IGSF11: variants seen among roughly 807,000 people sequenced by gnomAD.
The protein encoded by IGSF11 is CXADR like 1.
A neutral mutation model predicts 41.0 loss-of-function variants in IGSF11; 22 were observed. The observed-to-expected ratio is 0.54, with a 90% CI of 0.38 to 0.77. The LOEUF (loss-of-function observed/expected upper bound fraction) is 0.77. Among genes scored for constraint, IGSF11 ranks in the 30% least tolerant of loss-of-function variants. The probability of loss-of-function intolerance (pLI) is 0.00; values close to 1 mark genes in which losing one functional copy is unlikely to be tolerated. For synonymous variants in IGSF11, 219 were observed against 201.3 expected, an observed-to-expected ratio of 1.09 and a Z score of -0.74; for missense variants, 444 against 530.8, an observed-to-expected ratio of 0.84 and a Z score of 1.61.
chr3:118,969,412 T>C (rs1201027889), intron 1 of IGSF11, among the ~76,000 whole-genome samples: 1 of 152,078 alleles, frequency 6.6e-6, no homozygotes, highest in African/African-American at 2.4e-5. Flanking sequence ...CAGTAGACAC[T>C]AGGCTATGAG....
intron 1 of IGSF11, among the ~76,000 whole-genome samples, chr3:119,067,193 G>T (rs550272908): frequency 6.6e-6 from 1 of 152,148 alleles, no homozygotes; most frequent in South Asian, 2.1e-4. Flanking sequence ...CTTCTGTCCT[G>T]TACTAGCGTA....
intron 1 of IGSF11, among the ~76,000 whole-genome samples, chr3:119,015,206 T>A (rs1454638065): frequency 6.6e-6 from 1 of 152,228 alleles, no homozygotes; most frequent in African/African-American, 2.4e-5. Flanking sequence ...CCTAAATACC[T>A]TCCCTCTGTA....
At chr3:118,955,609 C>T (rs1212420990) in intron 1 of IGSF11, among the ~76,000 whole-genome samples, 3 of 152,160 alleles carry the variant, frequency 2.0e-5, no homozygotes, top group South Asian at 2.1e-4. Context: ...ATTAATATTT[C>T]GAAAAGAATC....
At chr3:119,131,614 C>T (rs547004197) in intron 1 of IGSF11, among the ~76,000 whole-genome samples, 152 of 152,260 alleles carry the variant, frequency 1.0e-3, no homozygotes, top group African/African-American at 3.6e-3. Context: ...GGAACCAAGT[C>T]AGAAAACACT....
intron 4 of IGSF11, among the ~76,000 whole-genome samples, chr3:118,912,817 A>G (rs1940503320): frequency 6.6e-6 from 1 of 152,166 alleles, no homozygotes; most frequent in Non-Finnish European, 1.5e-5. Flanking sequence ...ATAAAAGAGG[A>G]TGATGCCATG....
At position 118,902,032 on chromosome 3, in the gene IGSF11, TA is replaced by T. The variant is rs1359117131; in HGVS notation, c.*487del. 2 of 154,256 alleles carry T rather than the reference TA, an allele frequency of 1.3e-5. No homozygotes were observed. Among genetic ancestry groups the T allele is most frequent in the Non-Finnish European group, 2.9e-5 (2 of 69,420 alleles). The allele number at this position is 154,256 out of a possible 1,614,324, so 9.6% of individuals were successfully genotyped here. A position where few individuals can be genotyped will look rare whatever the true frequency, so the allele number is the denominator to read the frequency against. The stretch of plus-strand genomic sequence containing the variant: ...GAAGAGTCAGCCCTGTTGGGACCAA[TA>T]TTAACCATTTATACCATTAAGCCCT... On this transcript the variant is annotated 3_prime_UTR_variant, in exon 7 of 7. Coordinates refer to ENST00000393775, the MANE Select transcript of IGSF11 (RefSeq NM_001015887.3).
In IGSF11 at chr3:119,080,792, T is replaced by C. The variant is rs369062844; in HGVS notation, c.49+24352A>G. Among the ~76,000 whole-genome samples the C allele has an allele frequency of 3.3e-5, 5 of 152,290 alleles. No homozygotes were observed. In the East Asian group the frequency reaches 5.8e-4, roughly 18 times the overall value. ...TGTAACTTTCTTATCCTAAGTACTA[T>C]TTGAAAGTCCATGCTTAATTTGCAT... On this transcript the variant is annotated intron_variant, in intron 1 of 6. Transcript: ENST00000354673.
chr3:118,937,254 A>G (rs959073880), intron 1 of IGSF11, among the ~76,000 whole-genome samples: 2 of 152,220 alleles, frequency 1.3e-5, no homozygotes, highest in African/African-American at 4.8e-5. Flanking sequence ...TCACATAAAT[A>G]CATGTAATAC....
intron 1 of IGSF11, among the ~76,000 whole-genome samples, chr3:119,046,789 G>T (rs1268160145): frequency 1.3e-5 from 2 of 152,004 alleles, no homozygotes; most frequent in African/African-American, 4.8e-5. Context: ...CAGACTAACA[G>T]CGGATCTCTC....
intron 1 of IGSF11, among the ~76,000 whole-genome samples, chr3:118,984,671 C>T (rs1935080329): frequency 6.6e-6 from 1 of 151,778 alleles, no homozygotes. Flanking sequence ...TCAATATTGA[C>T]AAGAAGATAA....
At position 118,902,466 on chromosome 3, in the gene IGSF11, C is replaced by CCAGGAT; in HGVS notation, c.*53_*54insATCCTG. On this transcript the variant is annotated 3_prime_UTR_variant, in exon 7 of 7. Transcript: ENST00000393775. ...CAGCACTCCCCACCCCACCCTCCCCCTTGTATGAGGGCATTCCATTTATTC... is the reference window on the plus strand; with the variant it reads ...CAGCACTCCCCACCCCACCCTCCCCCCAGGATTTGTATGAGGGCATTCCATTTATTC... 1.1e-6 allele frequency: 1 copy of CCAGGAT among 878,270 alleles called. No individual in the cohort carries two copies. Among genetic ancestry groups the CCAGGAT allele is most frequent in the Non-Finnish European group, 1.8e-6 (1 of 544,884 alleles). The allele number at this position is 878,270 out of a possible 1,614,324, so 54.4% of individuals were successfully genotyped here.
chr3:118,922,792 A>T (rs1403385762), intron 4 of IGSF11, among the ~76,000 whole-genome samples: 1 of 152,094 alleles, frequency 6.6e-6, no homozygotes, highest in Non-Finnish European at 1.5e-5. Flanking sequence ...GTCTGGTAAG[A>T]GCCCATTTCC....
chr3:119,007,328 A>G (rs1016250953), intron 1 of IGSF11, among the ~76,000 whole-genome samples: 3 of 139,924 alleles, frequency 2.1e-5, no homozygotes, highest in African/African-American at 3.0e-5. Context: ...CGGCTCGCGC[A>G]CGGTGCGCGC....
At chr3:119,070,542 G>A (rs2076382114) in intron 1 of IGSF11, among the ~76,000 whole-genome samples, 1 of 152,170 alleles carries the variant, frequency 6.6e-6, no homozygotes, top group African/African-American at 2.4e-5. Flanking sequence ...GGACAGCTAA[G>A]GATCACATCT....
intron 1 of IGSF11, among the ~76,000 whole-genome samples, chr3:118,998,195 T>C (rs947897667): frequency 6.6e-6 from 1 of 152,034 alleles, no homozygotes; most frequent in Non-Finnish European, 1.5e-5. Context: ...ACCTAATTGT[T>C]TGGTTTATTA....
intron 1 of IGSF11, among the ~76,000 whole-genome samples, chr3:119,060,887 A>T (rs1942031749): frequency 6.6e-6 from 1 of 152,226 alleles, no homozygotes; most frequent in South Asian, 2.1e-4. Flanking sequence ...AGATACAGAC[A>T]TATAAAATTA....
chr3:119,137,080 CA>C (rs1207243589), intron 1 of IGSF11, among the ~76,000 whole-genome samples: 2 of 151,714 alleles, frequency 1.3e-5, no homozygotes, highest in African/African-American at 4.8e-5. Context: ...AGGAGGACAC[CA>C]AAAAGTGGAA....
upstream of IGSF11, among the ~76,000 whole-genome samples, chr3:119,039,133 G>A (rs1195039153): frequency 1.3e-5 from 2 of 152,078 alleles, no homozygotes; most frequent in Non-Finnish European, 2.9e-5. Context: ...TAAATGACAG[G>A]GCCCGTGTTA....
chr3:119,101,264 C>T (rs1011462785), intron 1 of IGSF11, among the ~76,000 whole-genome samples: 1 of 152,140 alleles, frequency 6.6e-6, no homozygotes, highest in Admixed American at 6.5e-5. Flanking sequence ...AATCCCAGCA[C>T]TTTGGGAGGC....
Sources: gnomAD v4.1 joint callset for allele counts (sites outside exome capture counted in the v4.1 genomes callset) on GRCh38, gnomAD v4.1.1 for gene constraint, MANE v1.5 for transcripts, NCBI Gene and HGNC (gene_info 2026-07-23, HGNC 2026-07-21) for gene names.